Variants in SQOR observed in about 807,000 individuals in gnomAD.
SQOR encodes the protein sulfide:quinone oxidoreductase, mitochondrial.
A neutral mutation model predicts 48.6 loss-of-function variants in SQOR; 39 were observed. That is an observed-to-expected ratio of 0.80 (90% CI 0.62 to 1.05). The LOEUF (loss-of-function observed/expected upper bound fraction) is 1.05. SQOR is among the 50% of genes least tolerant of loss of function. The probability of loss-of-function intolerance (pLI) is 0.00; values close to 1 mark genes in which losing one functional copy is unlikely to be tolerated. For synonymous variants in SQOR, 220 were observed against 206.2 expected, an observed-to-expected ratio of 1.07 and a Z score of -0.57; for missense variants, 561 against 559.9, an observed-to-expected ratio of 1.00 and a Z score of -0.02.
chr15:45,689,259 T>G, intron 9 of SQOR, 42 bp downstream of exon 9: 1 of 1,601,056 alleles, frequency 6.2e-7, no homozygotes. Context: ...AAGGGATTTG[T>G]AGCACATCTC....
intron 1 of SQOR, among the ~76,000 whole-genome samples, chr15:45,658,027 C>T (rs1439396433): frequency 6.6e-6 from 1 of 151,970 alleles, no homozygotes; most frequent in Non-Finnish European, 1.5e-5. Context: ...CTTTGAGAAG[C>T]CTTAATTTCC....
intron 1 of SQOR, among the ~76,000 whole-genome samples, chr15:45,654,279 G>A (rs1329335838): frequency 6.6e-6 from 1 of 152,162 alleles, no homozygotes; most frequent in Non-Finnish European, 1.5e-5. Flanking sequence ...ATGTTACATT[G>A]TTAGAATTAG....
intron 1 of SQOR, among the ~76,000 whole-genome samples, chr15:45,658,322 A>G (rs1214354903): frequency 6.6e-6 from 1 of 152,200 alleles, no homozygotes; most frequent in Non-Finnish European, 1.5e-5. Flanking sequence ...TTCCCTGGGC[A>G]AGCAGAGCCA....
chr15:45,644,008 C>G (rs749530952), intron 1 of SQOR, among the ~76,000 whole-genome samples: 1 of 152,152 alleles, frequency 6.6e-6, no homozygotes, highest in Non-Finnish European at 1.5e-5. Flanking sequence ...AAATTTAGCT[C>G]AATCACCCAC....
At chr15:45,680,475 C>T (rs1305587056) in intron 6 of SQOR, among the ~76,000 whole-genome samples, 1 of 151,738 alleles carries the variant, frequency 6.6e-6, no homozygotes, top group East Asian at 1.9e-4. Context: ...GCAGTGGTGC[C>T]ATCTTGGCTC....
chr15:45,652,060 CAG>C (rs1442400285), intron 1 of SQOR, among the ~76,000 whole-genome samples: 1 of 151,462 alleles, frequency 6.6e-6, no homozygotes, highest in African/African-American at 2.4e-5. Context: ...TTTTAGTAGA[CAG>C]GGGGTTTTGA....
intron 5 of SQOR, among the ~76,000 whole-genome samples, chr15:45,674,909 G>C (rs1436229440): frequency 6.6e-6 from 1 of 152,204 alleles, no homozygotes; most frequent in Non-Finnish European, 1.5e-5. Context: ...ATGGGAAGAA[G>C]GGTGGGGAAG....
chr15:45,660,435 T>A (rs1889698667), intron 2 of SQOR, among the ~76,000 whole-genome samples: 1 of 152,164 alleles, frequency 6.6e-6, no homozygotes, highest in African/African-American at 2.4e-5. Flanking sequence ...TTCTGGTATA[T>A]GTTGTATTTT....
chr15:45,662,591 CTG>C (rs1330392928), intron 3 of SQOR, among the ~76,000 whole-genome samples: 1 of 152,208 alleles, frequency 6.6e-6, no homozygotes, highest in Admixed American at 6.5e-5. Context: ...TCCTGTGACT[CTG>C]AGGTTCATGC....
intron 1 of SQOR, among the ~76,000 whole-genome samples, chr15:45,636,404 T>A (rs1566912541): frequency 7.1e-6 from 1 of 141,040 alleles, no homozygotes; most frequent in African/African-American, 2.7e-5. Context: ...AATTTCTTTC[T>A]TCTTTTTTTT....
intron 1 of SQOR, chr15:45,646,087 A>G (rs1895200263): frequency 6.6e-6 from 1 of 152,222 alleles, no homozygotes; most frequent in Admixed American, 6.5e-5. Flanking sequence ...ATTTTGGGTT[A>G]TGAAACCCCA....
intron 1 of SQOR, among the ~76,000 whole-genome samples, chr15:45,652,958 CAAAAAAA>C (rs920470062): frequency 6.9e-6 from 1 of 144,284 alleles, no homozygotes. Flanking sequence ...GATTCCGCCT[CAAAAAAA>C]AAAGAAAAAA....
upstream of SQOR, chr15:45,631,841 T>C (rs1894903562): frequency 1.3e-5 from 2 of 152,270 alleles, no homozygotes; most frequent in Non-Finnish European, 2.9e-5. Flanking sequence ...TAATGATACT[T>C]CTTTCAGTTT....
chr15:45,650,141 C>CTTTTTTTTTTTTTTTTTTT (rs150218133), intron 1 of SQOR, among the ~76,000 whole-genome samples: 2 of 151,980 alleles, frequency 1.3e-5, no homozygotes, highest in African/African-American at 4.8e-5. Flanking sequence ...CTGTGCCTGA[C>CTTTTTTTTTTTTTTTTTTT]TTTTTTTTAA....
At chr15:45,641,405 C>A (rs1293057614) in intron 1 of SQOR, among the ~76,000 whole-genome samples, 1 of 152,150 alleles carries the variant, frequency 6.6e-6, no homozygotes, top group Non-Finnish European at 1.5e-5. Flanking sequence ...AGTGCAGCTC[C>A]CAGTCCTTGA....
At chr15:45,644,093 T>C (rs971425913) in intron 1 of SQOR, among the ~76,000 whole-genome samples, 43 of 152,168 alleles carry the variant, frequency 2.8e-4, no homozygotes, top group Admixed American at 2.7e-3. Flanking sequence ...TATTTTTTTT[T>C]TCTCCTTTTT....
rs941075937 is a variant in SQOR, at chr15:45,676,108, A to G, written c.662A>G (p.Lys221Arg). The stretch of plus-strand genomic sequence containing the variant: ...TTTTCTTATTTTTCTCAGACAGGGA[A>G]GCGATCCAAGGCCAATATCATTTTC... ...LSEAYFRKTG[K>R]RSKANIIFNT... The change falls in exon 6 of 10, where the codon AAG becomes AGG. Residue 221 changes from lysine to arginine, a missense_variant. Coordinates refer to ENST00000260324, the MANE Select transcript of SQOR (RefSeq NM_021199.4). The G allele has an allele frequency of 6.2e-7, 1 of 1,613,432 alleles. No homozygotes were observed. Among genetic ancestry groups the G allele is most frequent in the South Asian group, 1.1e-5 (1 of 90,926 alleles).
intron 1 of SQOR, among the ~76,000 whole-genome samples, chr15:45,643,128 C>T (rs1895134968): frequency 6.6e-6 from 1 of 152,184 alleles, no homozygotes; most frequent in South Asian, 2.1e-4. Flanking sequence ...GGGGTCAGGC[C>T]TGGAGAAATT....
intron 1 of SQOR, among the ~76,000 whole-genome samples, chr15:45,650,005 G>A (rs187432338): frequency 9.9e-5 from 15 of 151,392 alleles, no homozygotes; most frequent in East Asian, 7.8e-4. Flanking sequence ...ACCACAGCCC[G>A]CTAATTTTTG....
Sources: allele counts gnomAD v4.1 joint callset (sites outside exome capture counted in the v4.1 genomes callset), GRCh38; gene constraint gnomAD v4.1.1; transcripts MANE v1.5; gene names NCBI Gene and HGNC (gene_info 2026-07-23, HGNC 2026-07-21).